Variants in ARL15 observed in about 807,000 individuals in gnomAD.
ARL15 encodes the protein ARF like GTPase 15, also known as ADP-ribosylation factor-like protein 15.
In ARL15, 19 loss-of-function variants were observed where a neutral mutation model predicts 25.2. The ratio of observed to expected loss-of-function variants is 0.75; its 90% CI spans 0.53 to 1.10. The LOEUF is 1.10. Among genes scored for constraint, ARL15 ranks in the 50% least tolerant of loss-of-function variants. The pLI is 0.00. For synonymous variants in ARL15, 94 were observed against 86.8 expected, an observed-to-expected ratio of 1.08 and a Z score of -0.46; for missense variants, 220 against 246.0, an observed-to-expected ratio of 0.89 and a Z score of 0.71.
intron 1 of ARL15, among the ~76,000 whole-genome samples, chr5:54,270,872 G>A (rs1045814435): frequency 1.1e-4 from 16 of 152,234 alleles, no homozygotes; most frequent in African/African-American, 3.9e-4. Context: ...GTGAGTCTGA[G>A]CGGACTAGGT....
chr5:53,962,370 T>A (rs187695894), intron 4 of ARL15, among the ~76,000 whole-genome samples: 1 of 152,260 alleles, frequency 6.6e-6, no homozygotes, highest in African/African-American at 2.4e-5. Flanking sequence ...TATCTGGAAC[T>A]TTATGTTACC....
chr5:53,930,682 C>T (rs983671100), intron 4 of ARL15, among the ~76,000 whole-genome samples: 5 of 152,122 alleles, frequency 3.3e-5, no homozygotes, highest in South Asian at 2.1e-4. Flanking sequence ...CTACAGAGGA[C>T]ATTCCTATGA....
At chr5:54,196,836 T>G (rs993237720) in intron 1 of ARL15, among the ~76,000 whole-genome samples, 5 of 152,160 alleles carry the variant, frequency 3.3e-5, no homozygotes, top group Admixed American at 2.0e-4. Flanking sequence ...AATGTGAACA[T>G]ACAGTTATGC....
chr5:54,264,490 A>G (rs1018239445), intron 1 of ARL15, among the ~76,000 whole-genome samples: 2 of 152,114 alleles, frequency 1.3e-5, no homozygotes, highest in African/African-American at 4.8e-5. Context: ...TCAAAACCCT[A>G]TGAGGTACCC....
intron 4 of ARL15, among the ~76,000 whole-genome samples, chr5:54,088,283 C>G (rs1275164650): frequency 2.0e-5 from 3 of 152,154 alleles, no homozygotes; most frequent in Non-Finnish European, 2.9e-5. Context: ...GTATGCAGTG[C>G]TGACTGAAGA....
At chr5:54,190,220 G>A (rs1579892345) in intron 1 of ARL15, among the ~76,000 whole-genome samples, 1 of 151,830 alleles carries the variant, frequency 6.6e-6, no homozygotes, top group African/African-American at 2.4e-5. Context: ...GTGAAACCCC[G>A]TTTCTACTAA....
At chr5:54,190,392 CA>C (rs35551500) in intron 1 of ARL15, among the ~76,000 whole-genome samples, 11,169 of 119,826 alleles carry the variant, frequency 0.093, 485 homozygotes, top group Middle Eastern at 0.18. Flanking sequence ...GACGTTGTCT[CA>C]AAAAAAAAAA....
chr5:54,092,047 A>AACACACACACAC lies in ARL15; in HGVS notation c.462+21143_462+21154dup, dbSNP rs758037549. Among the ~76,000 whole-genome samples the AACACACACACAC allele has an allele frequency of 6.2e-4, 91 of 146,320 alleles. No homozygotes were observed. In the South Asian group the frequency reaches 7.4e-3, roughly 12 times the overall value. Reference sequence around the variant, plus strand: ...TGGTTAATAGACTGCTCAAATTGAAAACACACACACACACACACACACACA... The same window carrying AACACACACACAC: ...TGGTTAATAGACTGCTCAAATTGAAAACACACACACACACACACACACACACACACACACACA... On this transcript the variant is annotated intron_variant, in intron 4 of 4. Transcript: ENST00000504924.
intron 1 of ARL15, among the ~76,000 whole-genome samples, chr5:54,253,046 T>A (rs26777): frequency 0.72 from 109,054 of 151,612 alleles, 39,745 homozygotes; most frequent in African/African-American, 0.75. Flanking sequence ...TTTTTTTTTT[T>A]AAAAAAGCAA....
chr5:54,258,083 C>T (rs934418160), intron 1 of ARL15, among the ~76,000 whole-genome samples: 15 of 150,936 alleles, frequency 9.9e-5, no homozygotes, highest in Non-Finnish European at 1.8e-4. Flanking sequence ...AATCCCAGCA[C>T]TGAGGGAGGC....
At chr5:54,180,018 G>GAAAAAAAAAA in intron 1 of ARL15, among the ~76,000 whole-genome samples, 1 of 110,042 alleles carries the variant, frequency 9.1e-6, no homozygotes, top group Non-Finnish European at 1.8e-5. Context: ...ACTGTCTCGA[G>GAAAAAAAAAA]AAAAAAAAAA....
chr5:54,141,713 T>C (rs1223851159), intron 3 of ARL15, among the ~76,000 whole-genome samples: 3 of 152,158 alleles, frequency 2.0e-5, no homozygotes, highest in African/African-American at 7.2e-5. Context: ...TTGCCATATT[T>C]TCCTTCTCCC....
At chr5:54,220,129 C>T (rs955572547) in intron 1 of ARL15, among the ~76,000 whole-genome samples, 1 of 152,082 alleles carries the variant, frequency 6.6e-6, no homozygotes, top group Admixed American at 6.6e-5. Context: ...AGGGTAACTG[C>T]CATACAATTA....
chr5:54,187,508 C>A (rs1344505604), intron 1 of ARL15, among the ~76,000 whole-genome samples: 1 of 152,210 alleles, frequency 6.6e-6, no homozygotes, highest in Admixed American at 6.5e-5. Flanking sequence ...ATTCCACAGA[C>A]TGATTCTGAC....
chr5:54,055,299 A>C (rs1179704901), intron 4 of ARL15, among the ~76,000 whole-genome samples: 1 of 150,248 alleles, frequency 6.7e-6, no homozygotes, highest in African/African-American at 2.4e-5. Context: ...CACTTAGCAT[A>C]ATGTTTCCAA....
chr5:54,254,791 A>C (rs1441166765), intron 1 of ARL15, among the ~76,000 whole-genome samples: 1 of 152,248 alleles, frequency 6.6e-6, no homozygotes, highest in Non-Finnish European at 1.5e-5. Flanking sequence ...CAGGGGATAA[A>C]TGTTATCACA....
intron 4 of ARL15, among the ~76,000 whole-genome samples, chr5:53,963,860 A>C (rs927402633): frequency 1.3e-5 from 2 of 150,522 alleles, no homozygotes; most frequent in African/African-American, 2.4e-5. Context: ...TACACAGAGT[A>C]ACTTGAATAT....
At chr5:53,960,217 G>A (rs902094972) in intron 4 of ARL15, among the ~76,000 whole-genome samples, 2 of 152,152 alleles carry the variant, frequency 1.3e-5, no homozygotes, top group African/African-American at 2.4e-5. Flanking sequence ...CTCACAAGCT[G>A]AAGCAATCTA....
chr5:53,891,682 T>C (rs993207096), intron 4 of ARL15, among the ~76,000 whole-genome samples: 1 of 152,214 alleles, frequency 6.6e-6, no homozygotes, highest in Non-Finnish European at 1.5e-5. Flanking sequence ...ACACAATGCC[T>C]ATGTTCCCTC....
Sources: allele counts gnomAD v4.1 joint callset (sites outside exome capture counted in the v4.1 genomes callset), GRCh38; gene constraint gnomAD v4.1.1; transcripts MANE v1.5; gene names NCBI Gene and HGNC (gene_info 2026-07-23, HGNC 2026-07-21).